Variants in HGFAC observed in about 807,000 individuals in gnomAD.
The protein encoded by HGFAC is HGF activator.
In HGFAC, 76 loss-of-function variants were observed where a neutral mutation model predicts 70.6. That is an observed-to-expected ratio of 1.08 (90% CI 0.89 to 1.30). The LOEUF is 1.30. HGFAC is among the 50% of genes most tolerant of loss of function. The pLI is 0.00. For missense variants in HGFAC, 1,044 were observed against 933.7 expected, an observed-to-expected ratio of 1.12 and a Z score of -1.54; for synonymous variants, 464 against 405.3, an observed-to-expected ratio of 1.14 and a Z score of -1.74.
Position 3,442,843 on chromosome 4 carries a change from G to A in HGFAC, c.229G>A (p.Gly77Arg), listed in dbSNP as rs754405393. 33 of 1,588,326 alleles carry A rather than the reference G, an allele frequency of 2.1e-5. No homozygotes were observed. Among genetic ancestry groups the A allele is most frequent in the Middle Eastern group, 1.7e-4 (1 of 5,970 alleles). Residue 77 changes from glycine to arginine, a missense_variant, in exon 2 of 14, where the codon GGA (glycine) becomes AGA (arginine). By Grantham distance (125) the Gly-to-Arg change is moderately radical (BLOSUM62 -2). Transcript: ENST00000382774. ...TPATSAPEAE[G>R]PQSGGLPPPP... ...AGCAACAAGTGCTCCAGAGGCAGAG[G>A]GACCCCAAAGTGGGGGGCTCCCGCC...
rs536707683 is a variant in HGFAC, at chr4:3,445,813, G to A, written c.1103-229G>A. ...TGCTGAGGGGGCCACAAAGGCCTCC[G>A]TGTGTCCAGCCCCTCTGGCCCTCAC... On this transcript the variant is annotated intron_variant, in intron 9 of 13. Transcript: ENST00000382774. 2,138 of 1,461,138 alleles carry A rather than the reference G, an allele frequency of 1.5e-3. 54 individuals are homozygous for A. The South Asian group carries it at 0.021, about 14-fold the overall frequency. The allele number at this position is 1,461,138 out of a possible 1,614,324, so 90.5% of individuals were successfully genotyped here.
In HGFAC at chr4:3,449,440, G is replaced by A. The variant is rs776673005; in HGVS notation, c.*21G>A. 3 of 1,501,942 alleles carry A rather than the reference G, an allele frequency of 2.0e-6. No homozygotes were observed. The highest frequency in any genetic ancestry group is 2.8e-5 in the African/African-American group (2 of 70,726). 93.0% of individuals were successfully genotyped at this position (1,501,942 alleles called of 1,614,324 possible). On this transcript the variant is annotated 3_prime_UTR_variant, in exon 14 of 14. Coordinates refer to ENST00000382774, the MANE Select transcript of HGFAC (RefSeq NM_001528.4). ...CCTGACCCTCCAGCGGGACACCCTGGTTCCCACCATTCCCTGCCTTGCTGA... is the reference window on the plus strand; with the variant it reads ...CCTGACCCTCCAGCGGGACACCCTGATTCCCACCATTCCCTGCCTTGCTGA...
At chr4:3,447,377 C>T in intron 10 of HGFAC, 115 bp from the exon 11 acceptor site, 1 of 1,216,594 alleles carries the variant, frequency 8.2e-7, no homozygotes, top group South Asian at 1.4e-5. Context: ...AGACCCCTCC[C>T]CGGGACCAGG....
intron 9 of HGFAC, 152 bp downstream of exon 9, chr4:3,445,502 G>A (rs1044747546): frequency 1.5e-5 from 10 of 668,324 alleles, no homozygotes; most frequent in African/African-American, 1.4e-4. Flanking sequence ...CCAAGGTCAC[G>A]CAGTGGGTCG....
At chr4:3,445,227 A>T in intron 8 of HGFAC, 38 bp from the exon 9 acceptor site, 1 of 1,497,250 alleles carries the variant, frequency 6.7e-7, no homozygotes, top group Non-Finnish European at 9.1e-7. Flanking sequence ...TTCGAGGGGC[A>T]GTGTGACTCC....
chr4:3,444,133 G>C lies in HGFAC; in HGVS notation c.570G>C (p.Arg190=). The change falls in exon 5 of 14, where the codon CGG becomes CGC. Residue 190 remains arginine (R), a synonymous_variant. Transcript: ENST00000382774. Reference sequence around the variant, plus strand: ...AGTCCTATCACTGCAGCTGCCCCCGGGCCTTCACCGGCAAGGACTGCGGCA... The same window carrying C: ...AGTCCTATCACTGCAGCTGCCCCCGCGCCTTCACCGGCAAGGACTGCGGCA... ...DPQSYHCSCP[R]AFTGKDCGTE... 6.2e-7 allele frequency: 1 copy of C among 1,611,170 alleles called. No homozygotes were observed. The highest frequency in any genetic ancestry group is 8.5e-7 in the Non-Finnish European group (1 of 1,179,224).
At position 3,446,082 on chromosome 4, in the gene HGFAC, G is replaced by C. The variant is rs371666223; in HGVS notation, c.1143G>C (p.Ala381=). The C allele has an allele frequency of 6.2e-7, 1 of 1,609,476 alleles. No homozygotes were observed. Among genetic ancestry groups the C allele is most frequent in the Non-Finnish European group, 8.5e-7 (1 of 1,178,524 alleles). Residue 381 remains alanine, a synonymous_variant, in exon 10 of 14, where the codon GCG becomes GCC. Coordinates refer to ENST00000382774, the MANE Select transcript of HGFAC (RefSeq NM_001528.4). ...TCCAACTGTCACCGGATCTCCTGGC[G>C]ACCCTGCCTGAGCCAGCCTCCCCGG... The part of the protein sequence containing the change: ...TRVQLSPDLL[A]TLPEPASPGR...
In HGFAC at chr4:3,442,813, AC is replaced by A; in HGVS notation, c.203del (p.Pro68GlnfsTer179). On this transcript the variant is annotated frameshift_variant, in exon 2 of 14. Transcript: ENST00000382774. LOFTEE classifies it high-confidence loss of function. Reference sequence around the variant, plus strand: ...CCTGGTGACCTCTGTGACCTCTGAGACCCCAGCAACAAGTGCTCCAGAGGCA... The same window carrying A: ...CCTGGTGACCTCTGTGACCTCTGAGACCCAGCAACAAGTGCTCCAGAGGCA... ...TILVTSVTSE[T>X]PATSAPEAEG... 6.3e-7 allele frequency: 1 copy of A among 1,590,370 alleles called. No homozygotes were observed. Among genetic ancestry groups the A allele is most frequent in the African/African-American group, 1.4e-5 (1 of 73,654 alleles).
intron 4 of HGFAC, among the ~76,000 whole-genome samples, chr4:3,443,729 A>G (rs1172837855): frequency 6.6e-6 from 1 of 152,038 alleles, no homozygotes; most frequent in Non-Finnish European, 1.5e-5. Context: ...GTGCGGTGCC[A>G]GCCGCCCTGC....
In HGFAC at chr4:3,446,106, G is replaced by C; in HGVS notation, c.1167G>C (p.Pro389=). The change falls in exon 10 of 14, where the codon CCG becomes CCC. Residue 389 remains proline, a synonymous_variant. Coordinates refer to ENST00000382774, the MANE Select transcript of HGFAC (RefSeq NM_001528.4). Reference sequence around the variant, plus strand: ...CGACCCTGCCTGAGCCAGCCTCCCCGGGGCGCCAGGCCTGCGGCAGGAGGC... The same window carrying C: ...CGACCCTGCCTGAGCCAGCCTCCCCCGGGCGCCAGGCCTGCGGCAGGAGGC... ...LLATLPEPAS[P]GRQACGRRHK... is the part of the protein sequence containing the mutation. 6.2e-7 allele frequency: 1 copy of C among 1,610,472 alleles called. No individual in the cohort carries two copies. The highest frequency in any genetic ancestry group is 8.5e-7 in the Non-Finnish European group (1 of 1,179,116).
Position 3,444,732 on chromosome 4 carries a change from C to T in HGFAC, c.840C>T (p.Ile280=), listed in dbSNP as rs565028313. The part of the protein sequence containing the change: ...PPGFAGRLCN[I]EPDERCFLGN... ...GCTTCGCTGGACGGCTCTGCAACATCGGTGAGTGGGTCAGCCCCCCGGGGT... is the reference window on the plus strand; with the variant it reads ...GCTTCGCTGGACGGCTCTGCAACATTGGTGAGTGGGTCAGCCCCCCGGGGT... The change falls in exon 7 of 14, where the codon ATC becomes ATT. Residue 280 remains isoleucine, a splice_region_variant and synonymous_variant. Transcript: ENST00000382774. 145 of 1,589,884 alleles carry T rather than the reference C, an allele frequency of 9.1e-5. 2 individuals are homozygous for T. The South Asian group carries it at 1.4e-3, about 16-fold the overall frequency.
chr4:3,444,603 C>T lies in HGFAC; in HGVS notation c.731-20C>T. On this transcript the variant is annotated intron_variant, in intron 6 of 13. Coordinates refer to ENST00000382774, the MANE Select transcript of HGFAC (RefSeq NM_001528.4). ...GGGCACTGCGCGGCCCCTGGCCCAG[C>T]TCCTCGGCCCTGCCCCCAGCTTGTC... The T allele has an allele frequency of 6.4e-7, 1 of 1,571,994 alleles. No individual in the cohort carries two copies. Among genetic ancestry groups the T allele is most frequent in the Non-Finnish European group, 8.6e-7 (1 of 1,163,344 alleles).
rs1725583391 is a variant in HGFAC at position 3,448,020 on chromosome 4, G to T, written c.1621G>T (p.Gly541Cys). The T allele has an allele frequency of 1.3e-6, 2 of 1,561,218 alleles. No homozygotes were observed. The highest frequency in any genetic ancestry group is 1.9e-5 in the Admixed American group (1 of 52,162). Residue 541 changes from glycine (G) to cysteine (C), a missense_variant, in exon 12 of 14, where the codon GGC becomes TGC. Coordinates refer to ENST00000382774, the MANE Select transcript of HGFAC (RefSeq NM_001528.4). ...AGHKCQIAGW[G>C]HLDENVSGYS... is the part of the protein sequence containing the mutation. Reference sequence around the variant, plus strand: ...ACACAAGTGCCAGATTGCGGGCTGGGGCCACTTGGATGAGAGTGAGTTGGG... The same window carrying T: ...ACACAAGTGCCAGATTGCGGGCTGGTGCCACTTGGATGAGAGTGAGTTGGG...
At position 3,444,341 on chromosome 4, in the gene HGFAC, A is replaced by G; in HGVS notation, c.629A>G (p.Tyr210Cys). 1 of 1,597,924 alleles carries G rather than the reference A, an allele frequency of 6.3e-7. No homozygotes were observed. Among genetic ancestry groups the G allele is most frequent in the African/African-American group, 1.3e-5 (1 of 74,902 alleles). ...TGCTTTGATGAGACCCGCTACGAGTACCTGGAGGGGGGCGACCGCTGGGCC... is the reference window on the plus strand; with the variant it reads ...TGCTTTGATGAGACCCGCTACGAGTGCCTGGAGGGGGGCGACCGCTGGGCC... ...EKCFDETRYE[Y>C]LEGGDRWARV... Residue 210 changes from tyrosine to cysteine, a missense_variant, in exon 6 of 14, where the codon TAC becomes TGC. Coordinates refer to ENST00000382774, the MANE Select transcript of HGFAC (RefSeq NM_001528.4).
At chr4:3,442,630 G>C (rs1725351625) in intron 1 of HGFAC, 102 bp from the exon 2 acceptor site, 7 of 836,016 alleles carry the variant, frequency 8.4e-6, no homozygotes, top group East Asian at 3.0e-5. Flanking sequence ...CCGAGATCTG[G>C]GGGCCCCAGT....
intron 9 of HGFAC, 74 bp from the exon 10 acceptor site, chr4:3,445,968 G>T (rs568348429): frequency 6.3e-7 from 1 of 1,580,390 alleles, no homozygotes; most frequent in Non-Finnish European, 8.6e-7. Flanking sequence ...GCCTCCTGCC[G>T]GGTAGGGCCT....
intron 4 of HGFAC, 78 bp from the exon 5 acceptor site, chr4:3,443,961 C>G: frequency 6.8e-7 from 1 of 1,473,410 alleles, no homozygotes; most frequent in Admixed American, 2.3e-5. Flanking sequence ...TGATGGACGC[C>G]TTAGCAAGCA....
intron 11 of HGFAC, 45 bp downstream of exon 11, chr4:3,447,676 T>C (rs753844590): frequency 6.2e-7 from 1 of 1,607,768 alleles, no homozygotes; most frequent in South Asian, 1.1e-5. Context: ...AGGTGGGCCC[T>C]GTGCTCCCCA....
Position 3,442,025 on chromosome 4 carries a change from C to A in HGFAC, c.24C>A (p.Pro8=). 1 of 1,514,246 alleles carries A rather than the reference C, an allele frequency of 6.6e-7. No individual in the cohort carries two copies. The allele number at this position is 1,514,246 out of a possible 1,614,324, so 93.8% of individuals were successfully genotyped here. A position where few individuals can be genotyped will look rare whatever the true frequency, so the allele number is the denominator to read the frequency against. MGRWAWV[P]SPWPPPGLGP... ...CCATGGGGCGCTGGGCCTGGGTCCC[C>A]AGCCCCTGGCCCCCACCGGGGCTGG... The change falls in exon 1 of 14, where the codon CCC becomes CCA. Residue 8 remains proline (P), a synonymous_variant. Coordinates refer to ENST00000382774, the MANE Select transcript of HGFAC (RefSeq NM_001528.4).
Sources: gnomAD v4.1 joint callset for allele counts (sites outside exome capture counted in the v4.1 genomes callset) on GRCh38, gnomAD v4.1.1 for gene constraint, MANE v1.5 for transcripts, NCBI Gene and HGNC (gene_info 2026-07-23, HGNC 2026-07-21) for gene names.